MLIP: variants seen among roughly 807,000 people sequenced by gnomAD.
The protein encoded by MLIP is muscular LMNA interacting protein, also known as muscular LMNA-interacting protein.
MLIP carries 79 observed loss-of-function variants against 84.8 expected under a neutral mutation model. The ratio of observed to expected loss-of-function variants is 0.93; its 90% CI spans 0.78 to 1.12. The LOEUF is 1.12. Among genes scored for constraint, MLIP ranks in the 50% most tolerant of loss-of-function variants. MLIP has a pLI of 0.00. For synonymous variants in MLIP, 504 were observed against 463.0 expected, an observed-to-expected ratio of 1.09 and a Z score of -1.14; for missense variants, 1,257 against 1,160.6, an observed-to-expected ratio of 1.08 and a Z score of -1.21.
intron 1 of MLIP, among the ~76,000 whole-genome samples, chr6:54,024,866 C>T (rs1200018625): frequency 6.6e-6 from 1 of 152,018 alleles, no homozygotes; most frequent in Non-Finnish European, 1.5e-5. Context: ...GAGATGGAGT[C>T]TCACTCTGTC....
At chr6:54,035,804 A>G (rs748010719) in intron 1 of MLIP, among the ~76,000 whole-genome samples, 3 of 151,728 alleles carry the variant, frequency 2.0e-5, no homozygotes, top group Non-Finnish European at 2.9e-5. Flanking sequence ...CTGGTTTTTA[A>G]TTGGGGTTTT....
intron 12 of MLIP, among the ~76,000 whole-genome samples, chr6:54,231,840 A>T (rs1036765913): frequency 6.6e-6 from 1 of 152,172 alleles, no homozygotes; most frequent in Admixed American, 6.5e-5. Context: ...TTGGAGCCTG[A>T]GGCATTTTTA....
At chr6:54,175,538 T>C (rs976001022) in intron 9 of MLIP, among the ~76,000 whole-genome samples, 6 of 152,130 alleles carry the variant, frequency 3.9e-5, no homozygotes, top group Non-Finnish European at 8.8e-5. Flanking sequence ...TTTTGACTTC[T>C]TTTTTAGATT....
At chr6:54,144,331 G>A (rs143609464) in intron 4 of MLIP, among the ~76,000 whole-genome samples, 7 of 152,298 alleles carry the variant, frequency 4.6e-5, no homozygotes, top group Non-Finnish European at 8.8e-5. Context: ...GGACATGGTG[G>A]TAGTGAGGCC....
chr6:54,124,363 T>G lies in MLIP; in HGVS notation c.253-110T>G, dbSNP rs917472949. ...AATCTCTTTCTTATGTCAACCTAATTTAATATATTTTTGAAAATATAAGGA... is the reference window on the plus strand; with the variant it reads ...AATCTCTTTCTTATGTCAACCTAATGTAATATATTTTTGAAAATATAAGGA... On this transcript the variant is annotated intron_variant, in intron 2 of 13. Coordinates refer to ENST00000502396, the MANE Select transcript of MLIP (RefSeq NM_001281747.2). 13 of 1,009,646 alleles carry G rather than the reference T, an allele frequency of 1.3e-5. No homozygotes were observed. The African/African-American group carries it at 2.1e-4, about 16-fold the overall frequency. 62.5% of individuals were successfully genotyped at this position (1,009,646 alleles called of 1,614,324 possible). A position where few individuals can be genotyped will look rare whatever the true frequency, so the allele number is the denominator to read the frequency against.
chr6:54,228,992 C>T (rs1218693115), intron 11 of MLIP, among the ~76,000 whole-genome samples: 3 of 152,216 alleles, frequency 2.0e-5, no homozygotes, highest in Non-Finnish European at 4.4e-5. Flanking sequence ...TGGACAAGTA[C>T]TGCATATGTT....
chr6:54,081,959 G>A (rs921964600), intron 1 of MLIP, among the ~76,000 whole-genome samples: 2 of 152,146 alleles, frequency 1.3e-5, no homozygotes, highest in African/African-American at 4.8e-5. Flanking sequence ...AACTTCTTGT[G>A]TAGCTCTCCC....
In MLIP at chr6:54,257,338, C is replaced by T. The variant is rs374190735; in HGVS notation, c.2953C>T (p.His985Tyr). 5 of 1,612,354 alleles carry T rather than the reference C, an allele frequency of 3.1e-6. No homozygotes were observed. The African/African-American group carries it at 5.3e-5, about 17-fold the overall frequency. Residue 985 changes from histidine to tyrosine, a missense_variant, in exon 13 of 14, where the codon CAT becomes TAT. His to Tyr is a moderately conservative substitution (Grantham distance 83). Transcript: ENST00000502396. ...TCATCCAATGGTGGCTATTCCTGAA[C>T]ATGAAGCTCTTGATTCCAAAGAGGT... ...LSHPMVAIPE[H>Y]EALDSKEQ
chr6:54,075,085 T>C (rs1561909898), intron 1 of MLIP, among the ~76,000 whole-genome samples: 1 of 151,792 alleles, frequency 6.6e-6, no homozygotes. Flanking sequence ...CCAGCTCTAC[T>C]AAAAATACAA....
chr6:54,033,402 G>A lies in MLIP; in HGVS notation c.63+14311G>A, dbSNP rs190707202. Among the ~76,000 whole-genome samples, 177 of 152,138 alleles carry A rather than the reference G, an allele frequency of 1.2e-3. 1 individual carries two copies. Among genetic ancestry groups the A allele is most frequent in the African/African-American group, 4.1e-3 (171 of 41,512 alleles). On this transcript the variant is annotated intron_variant, in intron 1 of 12. Coordinates refer to the MLIP transcript ENST00000274897. ...TTGCCTCAGCCTCCAGAGTAGCTGG[G>A]AATACAGGCGTGTGCCATCTTGCTT...
chr6:54,198,481 C>T lies in MLIP; in HGVS notation c.2590-3624C>T, dbSNP rs539654122. Among the ~76,000 whole-genome samples, 24 of 152,202 alleles carry T rather than the reference C, an allele frequency of 1.6e-4. 1 individual carries two copies. In the South Asian group the frequency reaches 4.8e-3, roughly 30 times the overall value. ...TGCTTCACATATGCTGTTTTATAGA[C>T]TTTCTAAGTGGCACTTTGAGACCCT... On this transcript the variant is annotated intron_variant, in intron 10 of 13. Coordinates refer to ENST00000502396, the MANE Select transcript of MLIP (RefSeq NM_001281747.2).
At chr6:54,223,299 CA>C (rs1285793716) in intron 11 of MLIP, among the ~76,000 whole-genome samples, 1 of 6,904 alleles carries the variant, frequency 1.4e-4, no homozygotes, top group Non-Finnish European at 0.013. Flanking sequence ...GTCGTATCAA[CA>C]AACAAACAAA....
At chr6:54,125,989 C>T (rs1415019049) in intron 3 of MLIP, among the ~76,000 whole-genome samples, 1 of 151,618 alleles carries the variant, frequency 6.6e-6, no homozygotes, top group African/African-American at 2.4e-5. Flanking sequence ...GTAAAAGACA[C>T]ACACTGCGGT....
At chr6:54,073,778 T>C (rs565594332) in intron 1 of MLIP, among the ~76,000 whole-genome samples, 27 of 152,324 alleles carry the variant, frequency 1.8e-4, no homozygotes, top group Non-Finnish European at 4.0e-4. Flanking sequence ...TCTTTGCAAT[T>C]CTTAACATAA....
At chr6:54,260,619 G>T (rs58236218) in intron 13 of MLIP, among the ~76,000 whole-genome samples, 11 of 151,994 alleles carry the variant, frequency 7.2e-5, no homozygotes, top group African/African-American at 2.7e-4. Flanking sequence ...GATCATGAAA[G>T]AATTTGTTGC....
At chr6:54,095,814 T>G (rs977663089) in intron 1 of MLIP, among the ~76,000 whole-genome samples, 2 of 152,130 alleles carry the variant, frequency 1.3e-5, no homozygotes, top group Admixed American at 6.6e-5. Flanking sequence ...TTCATGAATT[T>G]GTTTGTTCAT....
intron 9 of MLIP, among the ~76,000 whole-genome samples, chr6:54,182,930 T>C (rs1385434247): frequency 1.3e-5 from 2 of 152,182 alleles, no homozygotes; most frequent in Non-Finnish European, 2.9e-5. Context: ...AGAGGAAATA[T>C]CTGAGATGGA....
intron 11 of MLIP, among the ~76,000 whole-genome samples, chr6:54,222,819 C>T (rs533522039): frequency 6.6e-6 from 1 of 152,040 alleles, no homozygotes; most frequent in East Asian, 1.9e-4. Flanking sequence ...ACTGACTTAC[C>T]AATTAACATT....
At chr6:54,101,049 C>A (rs1768606333) in intron 1 of MLIP, among the ~76,000 whole-genome samples, 1 of 152,044 alleles carries the variant, frequency 6.6e-6, no homozygotes, top group Non-Finnish European at 1.5e-5. Flanking sequence ...GTGATTGGTT[C>A]CAGAGGATAT....
Sources: allele counts gnomAD v4.1 joint callset (sites outside exome capture counted in the v4.1 genomes callset), GRCh38; gene constraint gnomAD v4.1.1; transcripts MANE v1.5; gene names NCBI Gene and HGNC (gene_info 2026-07-23, HGNC 2026-07-21).